The following IKBKG variants were observed in gnomAD, a reference collection of about 807,000 sequenced individuals.
The protein encoded by IKBKG is NF-kappa-B essential modulator.
A neutral mutation model predicts 13.7 loss-of-function variants in IKBKG; 2 were observed. The observed-to-expected ratio is 0.15, with a 90% CI of 0.06 to 0.46. IKBKG has a LOEUF of 0.46. Ranked by LOEUF, IKBKG falls within the 20% of genes least tolerant of loss-of-function variation. IKBKG has a pLI of 0.98. For synonymous variants in IKBKG, 22 were observed against 64.4 expected, an observed-to-expected ratio of 0.34 and a Z score of 3.15; for missense variants, 53 against 150.3, an observed-to-expected ratio of 0.35 and a Z score of 3.39.
intron 1 of IKBKG, among the ~76,000 whole-genome samples, chrX:154,548,689 A>G (rs2070831806): frequency 9.0e-6 from 1 of 111,113 alleles, no homozygotes; most frequent in South Asian, 3.8e-4. Context: ...TCAGCTTCCC[A>G]GGTAGCTGGG....
chrX:154,552,388 C>T (rs1272214124), intron 2 of IKBKG, among the ~76,000 whole-genome samples, 199 bp downstream of exon 2: 1 of 111,857 alleles, frequency 8.9e-6, no homozygotes, highest in African/African-American at 3.3e-5. Context: ...AAAGGAGGGA[C>T]AGGGGAAGAA....
upstream of IKBKG, chrX:154,547,401 C>G: frequency 1.3e-6 from 1 of 755,150 alleles, no homozygotes; most frequent in Middle Eastern, 7.6e-4. Flanking sequence ...TAGACGCCGC[C>G]GTCCGAGAGA....
chrX:154,546,801 G>T (rs1183700048), upstream of IKBKG: 3 of 1,160,277 alleles, frequency 2.6e-6, no homozygotes, highest in Non-Finnish European at 2.3e-6. Context: ...GCGCTTCGTC[G>T]TCGTCGCCCT....
At chrX:154,546,171 A>G, upstream of IKBKG, 1 of 1,211,241 alleles carries the variant, frequency 8.3e-7, no homozygotes, top group Non-Finnish European at 1.1e-6. Context: ...TGTCTGGTGG[A>G]AGAAAGGCTC....
intron 1 of IKBKG, among the ~76,000 whole-genome samples, chrX:154,548,677 C>T (rs1287014410): frequency 8.9e-6 from 1 of 111,804 alleles, no homozygotes; most frequent in Non-Finnish European, 1.9e-5. Flanking sequence ...GATTCTCCTG[C>T]CTCAGCTTCC....
At chrX:154,547,561 C>T, upstream of IKBKG, 1 of 755,153 alleles carries the variant, frequency 1.3e-6, no homozygotes, top group Non-Finnish European at 1.6e-6. Flanking sequence ...TCGCCGGCTT[C>T]CCGAGTTCTC....
At chrX:154,550,009 G>A (rs1323107928) in intron 1 of IKBKG, among the ~76,000 whole-genome samples, 1 of 111,733 alleles carries the variant, frequency 8.9e-6, no homozygotes, top group African/African-American at 3.3e-5. Flanking sequence ...GGACACATGT[G>A]TTTTCATTTC....
upstream of IKBKG, chrX:154,547,162 T>A (rs1416483861): frequency 4.3e-5 from 8 of 186,520 alleles, no homozygotes; most frequent in Non-Finnish European, 5.9e-5. Flanking sequence ...GCCCCTACTG[T>A]CCGGTTTCCC....
chrX:154,546,704 A>C, upstream of IKBKG: 1 of 814,532 alleles, frequency 1.2e-6, no homozygotes, highest in East Asian at 3.7e-5. Context: ...CTCAAGCACA[A>C]CAAACAGCGT....
chrX:154,545,493 G>C (rs1373669399), upstream of IKBKG, among the ~76,000 whole-genome samples: 2 of 111,485 alleles, frequency 1.8e-5, no homozygotes, highest in African/African-American at 6.5e-5. Context: ...TAAAGAGCCT[G>C]CAACTCCAGG....
intron 1 of IKBKG, among the ~76,000 whole-genome samples, chrX:154,542,033 G>C (rs1209802513): frequency 8.9e-6 from 1 of 112,152 alleles, no homozygotes; most frequent in African/African-American, 3.2e-5. Flanking sequence ...GGGGGCTGCT[G>C]AGTTAGTTCA....
upstream of IKBKG, chrX:154,547,536 G>A (rs868927346): frequency 2.9e-5 from 22 of 754,005 alleles, no homozygotes; most frequent in South Asian, 5.4e-4. Flanking sequence ...CGGCCCTACC[G>A]CGGCCTCACA....
At chrX:154,547,466 A>C (rs1557233915), upstream of IKBKG, 2 of 754,145 alleles carry the variant, frequency 2.7e-6, no homozygotes, top group African/African-American at 4.6e-5. Context: ...GCTTATCATT[A>C]CCGAGCTTCC....
At chrX:154,545,669 T>C (rs1346921469), upstream of IKBKG, 3 of 220,929 alleles carry the variant, frequency 1.4e-5, no homozygotes, top group Non-Finnish European at 2.5e-5. Context: ...ACTCCGTCTC[T>C]ACTAACAATA....
At chrX:154,547,552 C>T (rs1468534177), upstream of IKBKG, 2 of 755,046 alleles carry the variant, frequency 2.6e-6, no homozygotes, top group Non-Finnish European at 3.1e-6. Flanking sequence ...TCACACTTCT[C>T]GCCGGCTTCC....
rs375586532 is a variant in IKBKG, at chrX:154,542,073, C to G, written c.-186-209C>G. 1.4e-4 allele frequency among the ~76,000 whole-genome samples: 16 copies of G among 112,599 alleles called. No homozygotes were observed. The East Asian group carries it at 2.2e-3, about 16-fold the overall frequency. Reference sequence around the variant, plus strand: ...AAAAACCAACAAAAGGGCCTCCCTGCTATACCCGGGGGCTCATGAGTCACC... The same window carrying G: ...AAAAACCAACAAAAGGGCCTCCCTGGTATACCCGGGGGCTCATGAGTCACC... On this transcript the variant is annotated intron_variant, in intron 1 of 10. Coordinates refer to the IKBKG transcript ENST00000422680.
intron 1 of IKBKG, among the ~76,000 whole-genome samples, chrX:154,551,199 C>T (rs1234590891): frequency 9.2e-6 from 1 of 108,686 alleles, no homozygotes; most frequent in Non-Finnish European, 1.9e-5. Context: ...TGGCCCGCCT[C>T]GGCCTCCCAA....
At chrX:154,547,495 G>C, upstream of IKBKG, 2 of 755,172 alleles carry the variant, frequency 2.6e-6, no homozygotes, top group South Asian at 6.7e-5. Flanking sequence ...GCAGAGCCTG[G>C]CGGACTCAGA....
intron 2 of IKBKG, among the ~76,000 whole-genome samples, chrX:154,553,210 G>C (rs1170938283): frequency 4.4e-5 from 5 of 112,657 alleles, no homozygotes; most frequent in African/African-American, 1.6e-4. Flanking sequence ...CCCTGAGCTG[G>C]CAGCTTCAAT....
Sources: gnomAD v4.1 joint callset for allele counts (sites outside exome capture counted in the v4.1 genomes callset) on GRCh38, gnomAD v4.1.1 for gene constraint, MANE v1.5 for transcripts, NCBI Gene and HGNC (gene_info 2026-07-23, HGNC 2026-07-21) for gene names.